Variants in BEND4 observed in about 807,000 individuals in gnomAD.
The protein encoded by BEND4 is BEN domain containing 4.
In BEND4, 27 loss-of-function variants were observed where a neutral mutation model predicts 54.7. That is an observed-to-expected ratio of 0.49 (90% CI 0.36 to 0.68). The LOEUF is 0.68. BEND4 is among the 30% of genes least tolerant of loss of function. The pLI, the probability that BEND4 is intolerant of heterozygous loss-of-function variation, is 0.00. For missense variants in BEND4, 702 were observed against 697.2 expected, an observed-to-expected ratio of 1.01 and a Z score of -0.08; for synonymous variants, 327 against 299.5, an observed-to-expected ratio of 1.09 and a Z score of -0.95.
rs1408842807 is a variant in BEND4 at position 42,152,640 on chromosome 4, G to C, written c.-342C>G. 5 of 154,270 alleles carry C rather than the reference G, an allele frequency of 3.2e-5. No homozygotes were observed. Among genetic ancestry groups the C allele is most frequent in the African/African-American group, 1.2e-4 (5 of 41,440 alleles). The allele number at this position is 154,270 out of a possible 1,614,324, so 9.6% of individuals were successfully genotyped here. ...CGAGGCTTCTGCGGCTGCGGGCGGG[G>C]TCCGGCTTCCGAAACGAGCTCGTGG... is the stretch of plus-strand genomic sequence containing the variant. On this transcript the variant is annotated 5_prime_UTR_variant, in exon 1 of 6. Coordinates refer to ENST00000502486, the MANE Select transcript of BEND4 (RefSeq NM_207406.4).
In BEND4 at chr4:42,125,623, T is replaced by C; in HGVS notation, c.1106A>G (p.Asn369Ser). 6.2e-7 allele frequency: 1 copy of C among 1,613,820 alleles called. No homozygotes were observed. The highest frequency in any genetic ancestry group is 1.1e-5 in the South Asian group (1 of 91,016). ...DYLKMVLQHH[N>S]QLLIPQPADQ... ...AGCTGGCTGTGGTATCAGGAGTTGG[T>C]TGTGGTGCTGCAGAACCATCTTCAA... Residue 369 changes from asparagine to serine, a missense_variant, in exon 4 of 6, where the codon AAC becomes AGC. Coordinates refer to ENST00000502486, the MANE Select transcript of BEND4 (RefSeq NM_207406.4).
chr4:42,125,297 T>A (rs998996102), intron 4 of BEND4, among the ~76,000 whole-genome samples: 3 of 152,206 alleles, frequency 2.0e-5, no homozygotes, highest in Non-Finnish European at 4.4e-5. Context: ...AGTTGGTGTC[T>A]CTCATTCCAG....
intron 3 of BEND4, among the ~76,000 whole-genome samples, chr4:42,141,477 G>A (rs2153146980): frequency 6.6e-6 from 1 of 152,312 alleles, no homozygotes; most frequent in African/African-American, 2.4e-5. Flanking sequence ...AATGCCTGTA[G>A]TCCCAGCACT....
intron 2 of BEND4, chr4:42,151,289 C>A: frequency 5.2e-6 from 1 of 192,512 alleles, no homozygotes; most frequent in Non-Finnish European, 1.1e-5. Flanking sequence ...GAGGGCGTCC[C>A]AGCGGGGCGG....
At chr4:42,133,198 T>C (rs1000657463) in intron 3 of BEND4, among the ~76,000 whole-genome samples, 7 of 152,228 alleles carry the variant, frequency 4.6e-5, no homozygotes, top group African/African-American at 1.4e-4. Flanking sequence ...TTCTGTTGAC[T>C]GTGCCACCTT....
chr4:42,127,228 G>T (rs1174892442), intron 3 of BEND4, among the ~76,000 whole-genome samples: 1 of 152,188 alleles, frequency 6.6e-6, no homozygotes, highest in Non-Finnish European at 1.5e-5. Context: ...GTAGGAGTAG[G>T]TTAGAAAATT....
intron 3 of BEND4, among the ~76,000 whole-genome samples, chr4:42,135,100 T>C (rs1490284563): frequency 6.6e-6 from 1 of 151,680 alleles, no homozygotes; most frequent in African/African-American, 2.4e-5. Flanking sequence ...GGGACTGGAG[T>C]CTGGGAGGGA....
chr4:42,128,111 T>C (rs905612929), intron 3 of BEND4, among the ~76,000 whole-genome samples: 2 of 152,116 alleles, frequency 1.3e-5, no homozygotes, highest in African/African-American at 4.8e-5. Context: ...CAACAAGCCA[T>C]GACTGTGCCA....
rs1328326466 is a variant in BEND4, at chr4:42,151,420, C to A, written c.487+237G>T. Reference sequence around the variant, plus strand: ...CGACTGCCACAGCCGTGCTTCCCGGCGCGGGATCCAAGCCGCGGAGCCACC... The same window carrying A: ...CGACTGCCACAGCCGTGCTTCCCGGAGCGGGATCCAAGCCGCGGAGCCACC... On this transcript the variant is annotated intron_variant, in intron 2 of 5. Coordinates refer to ENST00000502486, the MANE Select transcript of BEND4 (RefSeq NM_207406.4). 1.8e-5 allele frequency: 6 copies of A among 340,090 alleles called. No individual in the cohort carries two copies. The Admixed American group carries it at 2.0e-4, about 11-fold the overall frequency. The allele number at this position is 340,090 out of a possible 1,614,324, so 21.1% of individuals were successfully genotyped here.
rs773495352 is a variant in BEND4, at chr4:42,120,050, G to A, written c.1387+4C>T. 6.2e-7 allele frequency: 1 copy of A among 1,614,006 alleles called. No homozygotes were observed. The highest frequency in any genetic ancestry group is 1.1e-5 in the South Asian group (1 of 91,072). On this transcript the variant is annotated splice_donor_region_variant and intron_variant, in intron 5 of 5. Transcript: ENST00000502486. ...TGGTGACACTGAGCGGAAGGATGCA[G>A]TACCTCGGAGGCATGTTACTTTAAC...
At chr4:42,141,033 G>C (rs1233476449) in intron 3 of BEND4, among the ~76,000 whole-genome samples, 1 of 152,198 alleles carries the variant, frequency 6.6e-6, no homozygotes, top group Non-Finnish European at 1.5e-5. Flanking sequence ...AAATCCCACA[G>C]TGTGCTAGCT....
chr4:42,146,661 A>C (rs1338261330), intron 2 of BEND4, among the ~76,000 whole-genome samples: 1 of 152,226 alleles, frequency 6.6e-6, no homozygotes, highest in African/African-American at 2.4e-5. Flanking sequence ...TTTCAATTCT[A>C]GCACAACAGC....
At chr4:42,123,173 T>C (rs1720127432) in intron 4 of BEND4, among the ~76,000 whole-genome samples, 1 of 152,220 alleles carries the variant, frequency 6.6e-6, no homozygotes, top group South Asian at 2.1e-4. Context: ...ATGAGATCTA[T>C]AAACCTGTTT....
At chr4:42,128,589 A>G (rs1212337109) in intron 3 of BEND4, among the ~76,000 whole-genome samples, 1 of 151,532 alleles carries the variant, frequency 6.6e-6, no homozygotes, top group Non-Finnish European at 1.5e-5. Flanking sequence ...GCACCACTGC[A>G]CTCCAGCCTA....
chr4:42,133,307 T>C (rs1002486489), intron 3 of BEND4, among the ~76,000 whole-genome samples: 8 of 152,290 alleles, frequency 5.3e-5, no homozygotes, highest in African/African-American at 1.2e-4. Context: ...ATGCAGGATA[T>C]CTAGATGGAT....
intron 3 of BEND4, among the ~76,000 whole-genome samples, chr4:42,137,971 G>T (rs1720750731): frequency 6.6e-6 from 1 of 152,146 alleles, no homozygotes; most frequent in Non-Finnish European, 1.5e-5. Context: ...ATGGGAAAAA[G>T]GAAACCCTTG....
At chr4:42,144,964 C>G (rs1412351680) in intron 2 of BEND4, among the ~76,000 whole-genome samples, 2 of 152,114 alleles carry the variant, frequency 1.3e-5, no homozygotes, top group Non-Finnish European at 2.9e-5. Context: ...CAGAGAGGGG[C>G]ACTTTTCAGA....
At chr4:42,124,508 G>A (rs555017723) in intron 4 of BEND4, among the ~76,000 whole-genome samples, 1 of 152,256 alleles carries the variant, frequency 6.6e-6, no homozygotes, top group Non-Finnish European at 1.5e-5. Flanking sequence ...AGAAAGTACT[G>A]ACACTAAGGC....
At chr4:42,132,726 T>G (rs1297521775) in intron 3 of BEND4, among the ~76,000 whole-genome samples, 2 of 152,176 alleles carry the variant, frequency 1.3e-5, no homozygotes, top group Non-Finnish European at 2.9e-5. Flanking sequence ...ATTACAGGTG[T>G]GAGCCACCGC....
Sources: allele counts gnomAD v4.1 joint callset (sites outside exome capture counted in the v4.1 genomes callset), GRCh38; gene constraint gnomAD v4.1.1; transcripts MANE v1.5; gene names NCBI Gene and HGNC (gene_info 2026-07-23, HGNC 2026-07-21).